The following HTR4 variants were observed in gnomAD, a reference collection of about 807,000 sequenced individuals.
The protein encoded by HTR4 is 5-hydroxytryptamine receptor 4, also known as 5-hydroxytryptamine (serotonin) receptor 4, G protein-coupled.
In HTR4, 16 loss-of-function variants were observed where a neutral mutation model predicts 36.8. The observed-to-expected ratio is 0.43, with a 90% CI of 0.29 to 0.66. The LOEUF (loss-of-function observed/expected upper bound fraction) is 0.66, where lower values mean the gene tolerates loss of function less well. Among genes scored for constraint, HTR4 ranks in the 30% least tolerant of loss-of-function variants. The probability of loss-of-function intolerance (pLI) is 0.13; values close to 1 mark genes in which losing one functional copy is unlikely to be tolerated. For synonymous variants in HTR4, 189 were observed against 185.1 expected, an observed-to-expected ratio of 1.02 and a Z score of -0.17; for missense variants, 438 against 490.9, an observed-to-expected ratio of 0.89 and a Z score of 1.02.
rs192152339 is a variant in HTR4 at position 148,463,450 on chromosome 5, G to A, written c.1077-12178C>T. Among the ~76,000 whole-genome samples, 461 of 151,972 alleles carry A rather than the reference G, an allele frequency of 3.0e-3. 2 individuals carry two copies. The highest frequency in any genetic ancestry group is 4.7e-3 in the Non-Finnish European group (317 of 67,956). ...CCAGCTCGACCTCCCAAGGTGATGG[G>A]ATTACAGGCATGAGCCACCACACCT... is the stretch of plus-strand genomic sequence containing the variant. On this transcript the variant is annotated intron_variant, in intron 5 of 5. Transcript: ENST00000521530.
chr5:148,504,790 A>C (rs1757112209), intron 6 of HTR4, among the ~76,000 whole-genome samples: 1 of 152,238 alleles, frequency 6.6e-6, no homozygotes, highest in East Asian at 1.9e-4. Context: ...AAATAGACGC[A>C]ATAAAAAATG....
chr5:148,624,750 T>A (rs1238442867), intron 2 of HTR4, among the ~76,000 whole-genome samples: 2 of 151,852 alleles, frequency 1.3e-5, no homozygotes, highest in Non-Finnish European at 2.9e-5. Context: ...GGGCATAGAG[T>A]GGAGATGGGT....
intron 2 of HTR4, among the ~76,000 whole-genome samples, chr5:148,611,264 G>A (rs1212241743): frequency 1.3e-5 from 2 of 151,446 alleles, no homozygotes; most frequent in South Asian, 2.1e-4. Context: ...AAAATGTTAA[G>A]GGCAGCCAGA....
At chr5:148,621,004 T>C (rs1216054427) in intron 2 of HTR4, among the ~76,000 whole-genome samples, 1 of 152,200 alleles carries the variant, frequency 6.6e-6, no homozygotes, top group African/African-American at 2.4e-5. Context: ...TCATCACATA[T>C]GTACACAAGC....
At chr5:148,648,719 T>C (rs1427918780) in intron 1 of HTR4, among the ~76,000 whole-genome samples, 1 of 151,818 alleles carries the variant, frequency 6.6e-6, no homozygotes, top group Admixed American at 6.6e-5. Flanking sequence ...GATGAGCCCG[T>C]GGCAACTATG....
chr5:148,551,587 T>C (rs768851657), intron 2 of HTR4, among the ~76,000 whole-genome samples: 1 of 152,196 alleles, frequency 6.6e-6, no homozygotes, highest in Admixed American at 6.5e-5. Flanking sequence ...TTTTAAAAAC[T>C]TTTATAGTAT....
intron 2 of HTR4, among the ~76,000 whole-genome samples, chr5:148,625,581 G>GT (rs1235717779): frequency 6.6e-6 from 1 of 151,856 alleles, no homozygotes; most frequent in African/African-American, 2.4e-5. Flanking sequence ...TTTGTTTGGG[G>GT]TTTTTTTGTT....
chr5:148,503,402 A>C (rs1427992773), intron 6 of HTR4, among the ~76,000 whole-genome samples: 3 of 152,196 alleles, frequency 2.0e-5, no homozygotes, highest in Non-Finnish European at 1.5e-5. Context: ...AAGCTTCATA[A>C]GTGAAGGAGA....
intron 5 of HTR4, among the ~76,000 whole-genome samples, chr5:148,512,609 G>C (rs1393655083): frequency 6.6e-6 from 1 of 152,098 alleles, no homozygotes; most frequent in South Asian, 2.1e-4. Context: ...CTTGTATCTT[G>C]TTTATGAAAT....
chr5:148,506,929 C>G, intron 6 of HTR4, among the ~76,000 whole-genome samples: 1 of 152,156 alleles, frequency 6.6e-6, no homozygotes, highest in Non-Finnish European at 1.5e-5. Context: ...GTTGGTGGGA[C>G]TGTAAACTAG....
At chr5:148,592,517 C>T (rs528060768) in intron 2 of HTR4, among the ~76,000 whole-genome samples, 67 of 152,236 alleles carry the variant, frequency 4.4e-4, no homozygotes, top group African/African-American at 1.5e-3. Context: ...TTTGCTGTTG[C>T]TCTGCAAATA....
At chr5:148,517,068 A>G (rs984731252) in intron 5 of HTR4, among the ~76,000 whole-genome samples, 2 of 152,290 alleles carry the variant, frequency 1.3e-5, no homozygotes, top group Middle Eastern at 3.4e-3. Context: ...ATTTTACTTA[A>G]TCTTCATATT....
chr5:148,606,825 A>G (rs1235599780), intron 2 of HTR4, among the ~76,000 whole-genome samples: 1 of 152,210 alleles, frequency 6.6e-6, no homozygotes, highest in Non-Finnish European at 1.5e-5. Flanking sequence ...TGTCACTTCT[A>G]TGAATTAGCC....
At chr5:148,620,221 G>A (rs1331144974) in intron 2 of HTR4, among the ~76,000 whole-genome samples, 2 of 152,240 alleles carry the variant, frequency 1.3e-5, no homozygotes, top group Non-Finnish European at 2.9e-5. Context: ...CATCTGTGCT[G>A]ACAAAATGGT....
At chr5:148,616,277 C>T (rs191636392) in intron 2 of HTR4, among the ~76,000 whole-genome samples, 18 of 152,280 alleles carry the variant, frequency 1.2e-4, no homozygotes. Context: ...TTAGAATTCT[C>T]TTTGATGGAA....
intron 6 of HTR4, among the ~76,000 whole-genome samples, chr5:148,492,777 A>G (rs1756512440): frequency 1.3e-5 from 2 of 152,212 alleles, no homozygotes; most frequent in African/African-American, 4.8e-5. Flanking sequence ...GTTTGGTCAA[A>G]CACTTAAGGT....
At chr5:148,562,338 A>G (rs1432820620) in intron 2 of HTR4, among the ~76,000 whole-genome samples, 1 of 152,170 alleles carries the variant, frequency 6.6e-6, no homozygotes, top group Admixed American at 6.5e-5. Context: ...AGAACATGGC[A>G]TTAAGACACA....
At chr5:148,557,988 C>T (rs1403585967) in intron 2 of HTR4, among the ~76,000 whole-genome samples, 2 of 151,750 alleles carry the variant, frequency 1.3e-5, no homozygotes, top group Non-Finnish European at 2.9e-5. Flanking sequence ...CAGTAAGTGT[C>T]TCCTCTCCCA....
downstream of HTR4, among the ~76,000 whole-genome samples, chr5:148,472,904 A>C (rs902978064): frequency 3.3e-5 from 5 of 152,208 alleles, no homozygotes; most frequent in Non-Finnish European, 5.9e-5. Context: ...AGAAAATTTT[A>C]GGAGGGCATA....
Sources: allele counts gnomAD v4.1 joint callset (sites outside exome capture counted in the v4.1 genomes callset), GRCh38; gene constraint gnomAD v4.1.1; transcripts MANE v1.5; gene names NCBI Gene and HGNC (gene_info 2026-07-23, HGNC 2026-07-21).